Variants in DNAH3 observed in about 807,000 individuals in gnomAD.
DNAH3 encodes the protein axonemal beta dynein heavy chain 3.
A neutral mutation model predicts 432.5 loss-of-function variants in DNAH3; 332 were observed. That is an observed-to-expected ratio of 0.77 (90% confidence interval 0.70 to 0.84). The LOEUF (loss-of-function observed/expected upper bound fraction) is 0.84, where lower values mean the gene tolerates loss of function less well. Among genes scored for constraint, DNAH3 ranks in the 40% least tolerant of loss-of-function variants. The pLI is 0.00. For missense variants in DNAH3, 4,861 were observed against 5,114.0 expected (o/e 0.95, Z 1.51); for synonymous variants, 1,956 against 1,900.2 (o/e 1.03, Z -0.76).
At chr16:20,936,252 A>G (rs2083585723) in intron 60 of DNAH3, among the ~76,000 whole-genome samples, 1 of 151,866 alleles carries the variant, frequency 6.6e-6, no homozygotes, top group South Asian at 2.1e-4. Context: ...TCCCAGGTTC[A>G]AGCCATTTTC....
intron 31 of DNAH3, among the ~76,000 whole-genome samples, chr16:21,042,645 C>T (rs1022274369): frequency 1.1e-4 from 16 of 151,884 alleles, no homozygotes; most frequent in African/African-American, 3.1e-4. Flanking sequence ...TTTACTAGAT[C>T]GCAACAGTCT....
chr16:20,986,756 G>A (rs1036136641), intron 47 of DNAH3, among the ~76,000 whole-genome samples: 1 of 152,150 alleles, frequency 6.6e-6, no homozygotes, highest in Non-Finnish European at 1.5e-5. Context: ...AGAACCCAGT[G>A]ACGCTTTTGC....
rs1767388182 is a variant in DNAH3 at position 21,026,938 on chromosome 16, T to A, written c.5540+89A>T. ...ATGTAGATGATCTGCGAGGGCTTCATCACATTTGTGAAATTTGAGAGCTTT... is the reference window on the plus strand; with the variant it reads ...ATGTAGATGATCTGCGAGGGCTTCAACACATTTGTGAAATTTGAGAGCTTT... On this transcript the variant is annotated intron_variant, in intron 38 of 61. Transcript: ENST00000261383. The A allele has an allele frequency of 7.8e-6, 7 of 901,610 alleles. No individual in the cohort carries two copies. The Admixed American group carries it at 1.5e-4, about 20-fold the overall frequency. 55.9% of individuals were successfully genotyped at this position (901,610 alleles called of 1,614,324 possible).
Position 21,003,263 on chromosome 16 carries a change from C to A in DNAH3, c.6023-56G>T. 4 of 1,205,204 alleles carry A rather than the reference C, an allele frequency of 3.3e-6. No homozygotes were observed. The East Asian group carries it at 7.1e-5, about 21-fold the overall frequency. The allele number at this position is 1,205,204 out of a possible 1,614,324, so 74.7% of individuals were successfully genotyped here. A position where few individuals can be genotyped will look rare whatever the true frequency, so the allele number is the denominator to read the frequency against. On this transcript the variant is annotated intron_variant, in intron 41 of 61. Transcript: ENST00000261383. ...GCACATGAAGGCTTTACTTGCCTCC[C>A]ATATTTGAGGATTTTAAGTCCCTCA...
chr16:21,111,585 G>T (rs771608349), intron 14 of DNAH3, 41 bp downstream of exon 14: 4 of 1,580,536 alleles, frequency 2.5e-6, no homozygotes, highest in Non-Finnish European at 3.5e-6. Context: ...TCCAGTTGGT[G>T]CCAAATACCA....
chr16:21,051,097 G>A (rs987117655), intron 29 of DNAH3, among the ~76,000 whole-genome samples: 1 of 152,126 alleles, frequency 6.6e-6, no homozygotes, highest in African/African-American at 2.4e-5. Context: ...GATTTTGAAG[G>A]GAGAAAATAC....
At chr16:21,064,150 C>T (rs982582942) in intron 24 of DNAH3, among the ~76,000 whole-genome samples, 1 of 152,204 alleles carries the variant, frequency 6.6e-6, no homozygotes, top group African/African-American at 2.4e-5. Flanking sequence ...AGTCTGTGCA[C>T]GTTCTAAGCC....
chr16:20,963,860 G>C, exon 53 of DNAH3: 1 of 1,614,108 alleles, frequency 6.2e-7, no homozygotes, highest in Non-Finnish European at 8.5e-7. Context: ...CGCAGATTCA[G>C]TTCCTCGCTC....
chr16:20,964,231 T>G, exon 53 of DNAH3: 1 of 1,614,172 alleles, frequency 6.2e-7, no homozygotes, highest in Middle Eastern at 1.6e-4. Flanking sequence ...CTTTTTCTCT[T>G]CCAGCTCTGG....
intron 7 of DNAH3, among the ~76,000 whole-genome samples, chr16:21,130,648 A>G (rs1304880504): frequency 6.6e-6 from 1 of 152,000 alleles, no homozygotes; most frequent in Non-Finnish European, 1.5e-5. Context: ...AATTCTTCTA[A>G]ATGATTTCAG....
intron 31 of DNAH3, 32 bp downstream of exon 31, chr16:21,049,537 T>C (rs764760240): frequency 1.3e-6 from 2 of 1,591,996 alleles, no homozygotes; most frequent in Non-Finnish European, 8.6e-7. Flanking sequence ...CATGCACAGC[T>C]TCTTTGTTCT....
chr16:21,090,089 A>G (rs2091486940), intron 18 of DNAH3, among the ~76,000 whole-genome samples: 1 of 152,032 alleles, frequency 6.6e-6, no homozygotes, highest in African/African-American at 2.4e-5. Context: ...AAATGAAGCC[A>G]TTCTTCAAAA....
At chr16:20,965,345 C>T in exon 53 of DNAH3, 4 of 1,599,014 alleles carry the variant, frequency 2.5e-6, no homozygotes, top group Non-Finnish European at 3.4e-6. Context: ...TTGTCTTTGT[C>T]ATATGTCTTA....
chr16:21,128,802 T>G (rs1475981530), intron 7 of DNAH3, among the ~76,000 whole-genome samples: 4 of 148,100 alleles, frequency 2.7e-5, no homozygotes, highest in Non-Finnish European at 5.9e-5. Flanking sequence ...AAGGCTACAG[T>G]GAGCCCTGAT....
intron 51 of DNAH3, among the ~76,000 whole-genome samples, chr16:20,970,567 G>A (rs190490957): frequency 8.5e-4 from 129 of 152,278 alleles, no homozygotes; most frequent in African/African-American, 3.0e-3. Flanking sequence ...CATAGGCATT[G>A]TTACCACATT....
At chr16:21,009,648 G>T (rs938681012) in intron 41 of DNAH3, among the ~76,000 whole-genome samples, 1 of 152,186 alleles carries the variant, frequency 6.6e-6, no homozygotes, top group Non-Finnish European at 1.5e-5. Context: ...GGAGGCCAAG[G>T]TGGATGAATC....
chr16:20,977,314 T>C (rs1393381493), intron 50 of DNAH3, among the ~76,000 whole-genome samples: 3 of 151,810 alleles, frequency 2.0e-5, no homozygotes, highest in African/African-American at 7.3e-5. Context: ...GAGGTGGAGG[T>C]TGCAGTGAGT....
intron 18 of DNAH3, among the ~76,000 whole-genome samples, chr16:21,091,822 G>GA (rs964427126): frequency 6.4e-4 from 92 of 143,460 alleles, no homozygotes; most frequent in South Asian, 1.5e-3. Context: ...TCTCAAAAAA[G>GA]AAAAAAAAAA....
chr16:21,077,838 G>A (rs1007228961), intron 20 of DNAH3, among the ~76,000 whole-genome samples: 19 of 152,180 alleles, frequency 1.2e-4, no homozygotes, highest in African/African-American at 4.3e-4. Context: ...ACGCTCAGAG[G>A]AAGCAAGTGA....
Sources: allele counts gnomAD v4.1 joint callset (sites outside exome capture counted in the v4.1 genomes callset), GRCh38; gene constraint gnomAD v4.1.1; transcripts MANE v1.5; gene names NCBI Gene and HGNC (gene_info 2026-07-23, HGNC 2026-07-21).